Variants in HSD17B13 observed in about 807,000 individuals in gnomAD.
HSD17B13 encodes hydroxysteroid 17-beta dehydrogenase 13.
In HSD17B13, 26 loss-of-function variants were observed where a neutral mutation model predicts 31.1. That is an observed-to-expected ratio of 0.84 (90% CI 0.61 to 1.16). The LOEUF is 1.16. Ranked by LOEUF, HSD17B13 falls within the 50% of genes most tolerant of loss-of-function variation. The pLI is 0.00. For synonymous variants in HSD17B13, 141 were observed against 133.7 expected, an observed-to-expected ratio of 1.05 and a Z score of -0.38; for missense variants, 374 against 366.5, an observed-to-expected ratio of 1.02 and a Z score of -0.17.
intron 3 of HSD17B13, among the ~76,000 whole-genome samples, chr4:87,316,093 GTATAT>G (rs1734644124): frequency 6.6e-6 from 1 of 152,004 alleles, no homozygotes; most frequent in Non-Finnish European, 1.5e-5. Flanking sequence ...TTGTAATATT[GTATAT>G]TATATGTTGA....
intron 5 of HSD17B13, among the ~76,000 whole-genome samples, chr4:87,312,010 T>C (rs896642742): frequency 2.0e-5 from 3 of 152,106 alleles, no homozygotes; most frequent in Admixed American, 6.5e-5. Context: ...CAATCCCAAA[T>C]ATTTAGCATT....
chr4:87,312,436 TC>T (rs1257006201), intron 5 of HSD17B13, among the ~76,000 whole-genome samples: 2 of 150,018 alleles, frequency 1.3e-5, no homozygotes, highest in East Asian at 4.0e-4. Context: ...CAACTGAACC[TC>T]TCTAAAGGGC....
chr4:87,318,219 C>CA, intron 2 of HSD17B13, 110 bp downstream of exon 2: 1 of 772,896 alleles, frequency 1.3e-6, no homozygotes, highest in Non-Finnish European at 2.2e-6. Context: ...CTTCAGTTAG[C>CA]AGCTAAAATC....
intron 6 of HSD17B13, among the ~76,000 whole-genome samples, chr4:87,308,485 TAAAAAAAAAA>T (rs893354684): frequency 1.5e-4 from 5 of 33,216 alleles, no homozygotes; most frequent in Non-Finnish European, 2.4e-4. Context: ...CCGTCTCTAC[TAAAAAAAAAA>T]AAAAAAAAAA....
chr4:87,318,243 G>A, intron 2 of HSD17B13, 86 bp downstream of exon 2: 1 of 954,042 alleles, frequency 1.0e-6, no homozygotes, highest in South Asian at 1.3e-5. Context: ...TTTAAATCAG[G>A]CAGTCATAAA....
intron 5 of HSD17B13, among the ~76,000 whole-genome samples, chr4:87,313,217 G>A (rs1052463864): frequency 6.6e-6 from 1 of 151,972 alleles, no homozygotes; most frequent in East Asian, 1.9e-4. Flanking sequence ...CAAATGAGGC[G>A]GCACTCAACA....
intron 2 of HSD17B13, among the ~76,000 whole-genome samples, chr4:87,317,669 A>G (rs1235872069): frequency 2.1e-5 from 3 of 141,300 alleles, no homozygotes; most frequent in African/African-American, 8.2e-5. Context: ...TTGGCCTCAC[A>G]AAGTGCTGGG....
Position 87,303,881 on chromosome 4 carries a change from G to A in HSD17B13, c.*1337C>T, listed in dbSNP as rs1014819663. 5 of 4,328 alleles carry A rather than the reference G, an allele frequency of 1.2e-3. No individual in the cohort carries two copies. The highest frequency in any genetic ancestry group is 0.038 in the Middle Eastern group (1 of 26). The allele number at this position is 4,328 out of a possible 1,614,324, so 0.3% of individuals were successfully genotyped here. ...TATTTATTTTTAGTGAATTGTTTTT[G>A]TGACTTTTAAAAAAATCATTTGTTT... On this transcript the variant is annotated 3_prime_UTR_variant, in exon 7 of 7. Transcript: ENST00000328546.
At position 87,310,325 on chromosome 4, in the gene HSD17B13, T is replaced by C. The variant is rs186261533; in HGVS notation, c.730A>G (p.Arg244Gly). The C allele has an allele frequency of 3.7e-4, 589 of 1,571,852 alleles. 7 individuals carry two copies. The East Asian group carries it at 0.01, about 28-fold the overall frequency. The change falls in exon 6 of 7, where the codon AGA (arginine) becomes GGA (glycine). Residue 244 changes from arginine to glycine, a missense_variant. Transcript: ENST00000328546. ...GTAAGTATTCCATCTATCAGACTTC[T>C]TACGACTTCATCTGTCTCCAATACA... ...WPVLETDEVV[R>G]SLIDGILTNK...
intron 6 of HSD17B13, among the ~76,000 whole-genome samples, chr4:87,307,100 G>A (rs910606800): frequency 1.1e-4 from 17 of 151,974 alleles, no homozygotes; most frequent in African/African-American, 4.1e-4. Flanking sequence ...AGATCTGGCT[G>A]AAAGAAGGAC....
intron 2 of HSD17B13, 82 bp from the exon 3 acceptor site, chr4:87,317,305 G>C (rs1249284533): frequency 3.7e-6 from 5 of 1,365,960 alleles, no homozygotes; most frequent in South Asian, 1.3e-5. Flanking sequence ...AAAGATGAGA[G>C]TCTTTCTTCT....
chr4:87,310,181 A>AAAAG, intron 6 of HSD17B13, 62 bp downstream of exon 6: 1 of 1,438,440 alleles, frequency 7.0e-7, no homozygotes, highest in Non-Finnish European at 9.1e-7. Context: ...CTAAAAAAAA[A>AAAAG]AAAAGCAAAA....
chr4:87,315,196 T>C (rs1385777505), intron 4 of HSD17B13, among the ~76,000 whole-genome samples: 1 of 152,206 alleles, frequency 6.6e-6, no homozygotes, highest in Non-Finnish European at 1.5e-5. Flanking sequence ...TTCATTTACA[T>C]AGGGCGTACA....
Position 87,310,291 on chromosome 4 carries a change from T to G in HSD17B13, c.764A>C (p.Lys255Thr), listed in dbSNP as rs768408139. Residue 255 changes from lysine to threonine, a missense_variant, in exon 6 of 7, where the codon AAA (lysine) becomes ACA (threonine). By Grantham distance (78) the Lys-to-Thr change is moderately conservative. Transcript: ENST00000328546. ...SLIDGILTNK[K>T]MIFVPSYINI... ...GATATACGATGGAACAAAAATCATTTTCTTATTGGTAAGTATTCCATCTAT... is the reference window on the plus strand; with the variant it reads ...GATATACGATGGAACAAAAATCATTGTCTTATTGGTAAGTATTCCATCTAT... 2.5e-6 allele frequency: 4 copies of G among 1,584,662 alleles called. No homozygotes were observed. The highest frequency in any genetic ancestry group is 3.4e-6 in the Non-Finnish European group (4 of 1,168,910).
At chr4:87,315,626 A>T in intron 3 of HSD17B13, 27 bp from the exon 4 acceptor site, 2 of 1,426,808 alleles carry the variant, frequency 1.4e-6, no homozygotes, top group Non-Finnish European at 2.0e-6. Flanking sequence ...GAAAGAAGAA[A>T]GACAATGACA....
chr4:87,307,495 T>G (rs1424776842), intron 6 of HSD17B13, among the ~76,000 whole-genome samples: 1 of 152,186 alleles, frequency 6.6e-6, no homozygotes, highest in African/African-American at 2.4e-5. Flanking sequence ...TTTAGTCAAC[T>G]TTTATTTTTT....
intron 4 of HSD17B13, among the ~76,000 whole-genome samples, chr4:87,314,639 TCTCA>T (rs1483170311): frequency 3.7e-5 from 5 of 134,988 alleles, no homozygotes; most frequent in African/African-American, 1.0e-4. Flanking sequence ...TCTCTCTCTC[TCTCA>T]CACACACACA....
intron 3 of HSD17B13, among the ~76,000 whole-genome samples, chr4:87,316,342 T>C (rs559143322): frequency 6.6e-6 from 1 of 152,324 alleles, no homozygotes. Flanking sequence ...GTAGCTAATG[T>C]ATGAGGTCTC....
chr4:87,308,813 T>C (rs1335470474), intron 6 of HSD17B13, among the ~76,000 whole-genome samples: 1 of 151,286 alleles, frequency 6.6e-6, no homozygotes, highest in African/African-American at 2.4e-5. Context: ...ACAAATTCCT[T>C]GAAAGACACA....
Sources: gnomAD v4.1 joint callset for allele counts (sites outside exome capture counted in the v4.1 genomes callset) on GRCh38, gnomAD v4.1.1 for gene constraint, MANE v1.5 for transcripts, NCBI Gene and HGNC (gene_info 2026-07-23, HGNC 2026-07-21) for gene names.